Variants in RAB27B observed in about 807,000 individuals in gnomAD.
The protein encoded by RAB27B is ras-related protein Rab-27B.
In RAB27B, 15 loss-of-function variants were observed where a neutral mutation model predicts 24.6. The ratio of observed to expected loss-of-function variants is 0.61; its 90% CI spans 0.41 to 0.94. The LOEUF (loss-of-function observed/expected upper bound fraction) is 0.94. Among genes scored for constraint, RAB27B ranks in the 40% least tolerant of loss-of-function variants. The probability of loss-of-function intolerance (pLI) is 0.00; values close to 1 mark genes in which losing one functional copy is unlikely to be tolerated. For missense variants in RAB27B, 261 were observed against 266.8 expected (o/e 0.98, Z 0.15); for synonymous variants, 105 against 92.5 (o/e 1.14, Z -0.78).
chr18:54,729,061 A>C (rs899475863), intron 2 of RAB27B, among the ~76,000 whole-genome samples: 1 of 151,980 alleles, frequency 6.6e-6, no homozygotes, highest in African/African-American at 2.4e-5. Flanking sequence ...TATTAAAAAC[A>C]AAAAGCATAA....
At chr18:54,886,012 A>G (rs978752577) in intron 4 of RAB27B, 1 of 152,146 alleles carries the variant, frequency 6.6e-6, no homozygotes, top group Admixed American at 6.5e-5. Flanking sequence ...TAGACCATTC[A>G]TGAGAAATAC....
At chr18:54,858,484 A>T (rs1406625706) in intron 1 of RAB27B, among the ~76,000 whole-genome samples, 1 of 149,932 alleles carries the variant, frequency 6.7e-6, no homozygotes, top group Non-Finnish European at 1.5e-5. Flanking sequence ...TCCCGTGTTC[A>T]CGCCATTCTC....
intron 1 of RAB27B, among the ~76,000 whole-genome samples, chr18:54,865,055 TGA>T (rs1912156347): frequency 6.6e-6 from 1 of 152,184 alleles, no homozygotes. Context: ...TAGACTCAGA[TGA>T]TAATAGAATA....
chr18:54,838,608 C>T (rs1910986833), intron 1 of RAB27B, among the ~76,000 whole-genome samples: 1 of 152,058 alleles, frequency 6.6e-6, no homozygotes, highest in African/African-American at 2.4e-5. Context: ...GTTATGGATC[C>T]ATCATTTGAG....
chr18:54,822,156 A>T (rs545678530), intron 2 of RAB27B, among the ~76,000 whole-genome samples: 2 of 152,252 alleles, frequency 1.3e-5, no homozygotes, highest in East Asian at 3.8e-4. Flanking sequence ...TTATCTTAAC[A>T]TTGGAGTCCT....
intron 2 of RAB27B, among the ~76,000 whole-genome samples, chr18:54,721,215 G>T (rs942010456): frequency 6.6e-6 from 1 of 152,096 alleles, no homozygotes; most frequent in African/African-American, 2.4e-5. Flanking sequence ...GGACACATAC[G>T]CAATGTGTTC....
intron 2 of RAB27B, among the ~76,000 whole-genome samples, chr18:54,741,102 A>G (rs1021851464): frequency 7.2e-5 from 11 of 152,232 alleles, no homozygotes; most frequent in Non-Finnish European, 1.5e-4. Flanking sequence ...TGGTATCACA[A>G]TAATTTTCAA....
intron 1 of RAB27B, among the ~76,000 whole-genome samples, chr18:54,862,775 G>A (rs1175027472): frequency 6.6e-6 from 1 of 152,158 alleles, no homozygotes; most frequent in Non-Finnish European, 1.5e-5. Flanking sequence ...GCGGTGCCTG[G>A]ATCACCAACC....
intron 1 of RAB27B, among the ~76,000 whole-genome samples, chr18:54,846,368 A>G (rs1398942585): frequency 6.6e-6 from 1 of 152,258 alleles, no homozygotes. Flanking sequence ...TCTAATAACA[A>G]TGGCTTGGTA....
At chr18:54,842,114 T>A (rs1015279396) in intron 1 of RAB27B, among the ~76,000 whole-genome samples, 2 of 152,234 alleles carry the variant, frequency 1.3e-5, no homozygotes, top group African/African-American at 4.8e-5. Flanking sequence ...CTAAACTAAT[T>A]CGTTCATCAC....
rs146066070 is a variant in RAB27B, at chr18:54,801,441, T to C, written c.-19-76126T>C. On this transcript the variant is annotated intron_variant, in intron 2 of 4. Transcript: ENST00000586570. The stretch of plus-strand genomic sequence containing the variant: ...AAAAACCTAGACTCTTTCTCTCTCT[T>C]AAAAAACTGGAAAATCTGTCATCAC... Among the ~76,000 whole-genome samples, 456 of 152,294 alleles carry C rather than the reference T, an allele frequency of 3.0e-3. 2 individuals are homozygous for C. Among genetic ancestry groups the C allele is most frequent in the Non-Finnish European group, 5.4e-3 (370 of 68,012 alleles).
At chr18:54,832,222 A>C (rs1392285228) in intron 1 of RAB27B, among the ~76,000 whole-genome samples, 2 of 152,174 alleles carry the variant, frequency 1.3e-5, no homozygotes. Flanking sequence ...GGCCACCAAG[A>C]GAAGTAGATA....
chr18:54,722,219 G>A (rs1909381706), intron 2 of RAB27B, among the ~76,000 whole-genome samples: 1 of 152,124 alleles, frequency 6.6e-6, no homozygotes, highest in Non-Finnish European at 1.5e-5. Context: ...TTTTTTGGGT[G>A]AATTCTGTCA....
chr18:54,761,269 A>G (rs1908180434), intron 2 of RAB27B, among the ~76,000 whole-genome samples: 1 of 152,138 alleles, frequency 6.6e-6, no homozygotes, highest in Non-Finnish European at 1.5e-5. Context: ...AGGTGAGATC[A>G]GTTTCCTTCC....
chr18:54,863,825 T>C (rs953474192), intron 1 of RAB27B, among the ~76,000 whole-genome samples: 5 of 152,234 alleles, frequency 3.3e-5, no homozygotes, highest in Non-Finnish European at 5.9e-5. Context: ...GGTTTATCCA[T>C]ATTGTTGTAT....
chr18:54,846,854 T>C (rs1911360843), intron 1 of RAB27B, among the ~76,000 whole-genome samples: 1 of 152,152 alleles, frequency 6.6e-6, no homozygotes, highest in African/African-American at 2.4e-5. Flanking sequence ...TTTTGTTTGT[T>C]TGTTTGTTTG....
chr18:54,737,481 A>T (rs1031360825), intron 2 of RAB27B, among the ~76,000 whole-genome samples: 1 of 152,192 alleles, frequency 6.6e-6, no homozygotes, highest in African/African-American at 2.4e-5. Context: ...TTTGAAGTTT[A>T]TCTGGTACAT....
At chr18:54,774,625 C>G (rs1173417172) in intron 2 of RAB27B, among the ~76,000 whole-genome samples, 1 of 152,214 alleles carries the variant, frequency 6.6e-6, no homozygotes, top group East Asian at 1.9e-4. Flanking sequence ...AGAGAGATAG[C>G]TAAGTCTTTC....
At chr18:54,885,905 G>A (rs1913116827) in intron 4 of RAB27B, 1 of 153,576 alleles carries the variant, frequency 6.5e-6, no homozygotes, top group Non-Finnish European at 1.4e-5. Context: ...GACATAGCAG[G>A]AGCAGCAAGT....
Sources: gnomAD v4.1 joint callset for allele counts (sites outside exome capture counted in the v4.1 genomes callset) on GRCh38, gnomAD v4.1.1 for gene constraint, MANE v1.5 for transcripts, NCBI Gene and HGNC (gene_info 2026-07-23, HGNC 2026-07-21) for gene names.